The following RSBN1L variants were observed in gnomAD, a reference collection of about 807,000 sequenced individuals.
The protein encoded by RSBN1L is lysine-specific demethylase RSBN1L.
In RSBN1L, 30 loss-of-function variants were observed where a neutral mutation model predicts 67.7. The ratio of observed to expected loss-of-function variants is 0.44; its 90% CI spans 0.33 to 0.60. The LOEUF (loss-of-function observed/expected upper bound fraction) is 0.60. Ranked by LOEUF, RSBN1L falls within the 20% of genes least tolerant of loss-of-function variation. The pLI is 0.02. For synonymous variants in RSBN1L, 433 were observed against 387.0 expected (o/e 1.12, Z -1.39); for missense variants, 992 against 1,031.7 (o/e 0.96, Z 0.53).
At chr7:77,707,081 T>C (rs1790902550) in intron 1 of RSBN1L, among the ~76,000 whole-genome samples, 2 of 150,964 alleles carry the variant, frequency 1.3e-5, no homozygotes, top group South Asian at 4.2e-4. Flanking sequence ...TGGAGTGCAG[T>C]GGCGCGATCT....
intron 3 of RSBN1L, among the ~76,000 whole-genome samples, chr7:77,751,148 GTGTTTTTT>G (rs561375773): frequency 1.4e-3 from 171 of 123,854 alleles, no homozygotes; most frequent in African/African-American, 4.7e-3. Context: ...AAATAATGTG[GTGTTTTTT>G]TGTTTTTTGT....
rs573545055 is a variant in RSBN1L, at chr7:77,730,095, G to C, written c.587-6315G>C. Among the ~76,000 whole-genome samples, 3 of 151,922 alleles carry C rather than the reference G, an allele frequency of 2.0e-5. No individual in the cohort carries two copies. In the South Asian group the frequency reaches 6.2e-4, roughly 32 times the overall value. The stretch of plus-strand genomic sequence containing the variant: ...CATATATGATTTCTTTTTTGTTCTG[G>C]GTTGATAGTAACTTAGTCATACATT... On this transcript the variant is annotated intron_variant, in intron 1 of 7. Transcript: ENST00000334955.
At chr7:77,741,765 G>GAAAATA (rs1791413937) in intron 2 of RSBN1L, among the ~76,000 whole-genome samples, 1 of 151,710 alleles carries the variant, frequency 6.6e-6, no homozygotes, top group African/African-American at 2.4e-5. Flanking sequence ...TGTAGGAGAA[G>GAAAATA]CAAATTGGTA....
At chr7:77,775,699 C>A (rs1791904219) in intron 6 of RSBN1L, among the ~76,000 whole-genome samples, 1 of 152,016 alleles carries the variant, frequency 6.6e-6, no homozygotes, top group Non-Finnish European at 1.5e-5. Context: ...TTTAGTGCTT[C>A]TAAATTTCTT....
intron 3 of RSBN1L, among the ~76,000 whole-genome samples, chr7:77,763,649 GA>G (rs1791724034): frequency 6.6e-6 from 1 of 152,180 alleles, no homozygotes; most frequent in African/African-American, 2.4e-5. Flanking sequence ...GGAAAAAGAT[GA>G]GACAATGAGC....
rs1391991818 is a variant in RSBN1L, at chr7:77,779,735, A to G, written c.*567A>G. On this transcript the variant is annotated 3_prime_UTR_variant, in exon 8 of 8. Transcript: ENST00000334955. ...CATTTGATAATGATTCTCTGCTGGT[A>G]TATCTATTTAGTGTGGTATTGTAGT... 6.6e-6 allele frequency: 1 copy of G among 151,606 alleles called. No individual in the cohort carries two copies. The highest frequency in any genetic ancestry group is 1.5e-5 in the Non-Finnish European group (1 of 67,874). 9.4% of individuals were successfully genotyped at this position (151,606 alleles called of 1,614,324 possible).
chr7:77,767,910 G>A (rs1274535822), intron 4 of RSBN1L, among the ~76,000 whole-genome samples: 6 of 136,114 alleles, frequency 4.4e-5, no homozygotes, highest in Non-Finnish European at 1.6e-5. Context: ...GAGTGCAGTG[G>A]CGTGATTTCG....
rs571199364 is a variant in RSBN1L at position 77,696,685 on chromosome 7, G to C, written c.216G>C (p.Pro72=). The C allele has an allele frequency of 1.9e-6, 3 of 1,612,604 alleles. No individual in the cohort carries two copies. The highest frequency in any genetic ancestry group is 1.1e-5 in the South Asian group (1 of 91,054). Residue 72 remains proline, a synonymous_variant, in exon 1 of 8, where the codon CCG becomes CCC. Coordinates refer to ENST00000334955, the MANE Select transcript of RSBN1L (RefSeq NM_198467.3). The part of the protein sequence containing the change: ...SGGNSRQLQP[P]AAPSPQSYGS... ...GGAACAGCAGGCAGCTGCAGCCGCC[G>C]GCAGCACCTTCGCCTCAGAGCTATG...
At chr7:77,723,945 T>A (rs6946188) in intron 1 of RSBN1L, among the ~76,000 whole-genome samples, 398 of 30,582 alleles carry the variant, frequency 0.013, 2 homozygotes, top group African/African-American at 0.018. Context: ...AAAAAAAAAA[T>A]TTTTTTTTTT....
intron 3 of RSBN1L, among the ~76,000 whole-genome samples, chr7:77,763,684 G>C (rs890750990): frequency 1.3e-5 from 2 of 152,184 alleles, no homozygotes; most frequent in Non-Finnish European, 2.9e-5. Flanking sequence ...ATAAGCCCCA[G>C]CTGTTCTTAT....
rs140632831 is a variant in RSBN1L at position 77,754,850 on chromosome 7, C to G, written c.1344+4786C>G. Among the ~76,000 whole-genome samples, 408 of 152,196 alleles carry G rather than the reference C, an allele frequency of 2.7e-3. 1 individual carries two copies. The highest frequency in any genetic ancestry group is 4.7e-3 in the Non-Finnish European group (317 of 68,012). On this transcript the variant is annotated intron_variant, in intron 3 of 7. Transcript: ENST00000334955. Reference sequence around the variant, plus strand: ...CAGCACTGCACTCCAGCCTGGGCAGCAGAGTGAGATCCTGTCTCAAAGAAA... The same window carrying G: ...CAGCACTGCACTCCAGCCTGGGCAGGAGAGTGAGATCCTGTCTCAAAGAAA...
intron 1 of RSBN1L, among the ~76,000 whole-genome samples, chr7:77,711,255 G>A (rs1208164476): frequency 2.0e-5 from 3 of 150,440 alleles, no homozygotes; most frequent in Non-Finnish European, 4.4e-5. Flanking sequence ...TTGCCATTTT[G>A]TATACTCTAA....
chr7:77,743,561 A>G lies in RSBN1L; in HGVS notation c.704-5863A>G, dbSNP rs143324659. Among the ~76,000 whole-genome samples, 1,051 of 148,694 alleles carry G rather than the reference A, an allele frequency of 7.1e-3. 17 individuals carry two copies. The highest frequency in any genetic ancestry group is 0.025 in the African/African-American group (983 of 40,020). On this transcript the variant is annotated intron_variant, in intron 2 of 7. Transcript: ENST00000334955. Reference sequence around the variant, plus strand: ...TACCTTTTGGTTTATCTTCATGCCTATGAAATAGACTAAGTGTTGTCTCTG... The same window carrying G: ...TACCTTTTGGTTTATCTTCATGCCTGTGAAATAGACTAAGTGTTGTCTCTG...
At chr7:77,772,798 C>T (rs182469277) in intron 5 of RSBN1L, among the ~76,000 whole-genome samples, 1 of 152,266 alleles carries the variant, frequency 6.6e-6, no homozygotes, top group East Asian at 1.9e-4. Flanking sequence ...AAAAGTTACC[C>T]ATTTGTTTCA....
At chr7:77,710,156 G>A (rs115997177) in intron 1 of RSBN1L, among the ~76,000 whole-genome samples, 104 of 152,264 alleles carry the variant, frequency 6.8e-4, no homozygotes, top group African/African-American at 2.3e-3. Context: ...TGCCTCCTTA[G>A]TGGGCTCCCT....
chr7:77,772,565 T>C (rs1005591771), intron 5 of RSBN1L, among the ~76,000 whole-genome samples: 21 of 152,258 alleles, frequency 1.4e-4, no homozygotes, highest in Non-Finnish European at 4.4e-5. Flanking sequence ...GGTTTTCCTT[T>C]CTACCTCCAA....
chr7:77,759,511 T>C (rs1225687586), intron 3 of RSBN1L: 1 of 152,106 alleles, frequency 6.6e-6, no homozygotes, highest in Non-Finnish European at 1.5e-5. Flanking sequence ...TTATGACATG[T>C]TTAGATTGCC....
At chr7:77,721,020 C>G (rs186102660) in intron 1 of RSBN1L, among the ~76,000 whole-genome samples, 4 of 151,954 alleles carry the variant, frequency 2.6e-5, no homozygotes, top group Admixed American at 2.0e-4. Context: ...GGGATTACAG[C>G]GGTGAGCCAC....
At chr7:77,708,385 A>AT (rs67403786) in intron 1 of RSBN1L, among the ~76,000 whole-genome samples, 81,614 of 142,300 alleles carry the variant, frequency 0.57, 24,648 homozygotes, top group African/African-American at 0.79. Flanking sequence ...GGATGAGACT[A>AT]TTTTTTTTTT....
Sources: allele counts gnomAD v4.1 joint callset (sites outside exome capture counted in the v4.1 genomes callset), GRCh38; gene constraint gnomAD v4.1.1; transcripts MANE v1.5; gene names NCBI Gene and HGNC (gene_info 2026-07-23, HGNC 2026-07-21).